PGGHG: variants seen among roughly 807,000 people sequenced by gnomAD.
The protein encoded by PGGHG is ATH1, acid trehalase-like 1.
PGGHG carries 67 observed loss-of-function variants against 74.5 expected under a neutral mutation model. The observed-to-expected ratio is 0.90, with a 90% confidence interval of 0.74 to 1.10. PGGHG has a LOEUF of 1.10. PGGHG is among the 50% of genes least tolerant of loss of function. The pLI is 0.00. For synonymous variants in PGGHG, 496 were observed against 419.9 expected, an observed-to-expected ratio of 1.18 and a Z score of -2.21; for missense variants, 1,034 against 981.5, an observed-to-expected ratio of 1.05 and a Z score of -0.72.
Position 294,695 on chromosome 11 carries a change from C to T in PGGHG, c.2160C>T (p.Thr720=). 1 of 1,613,090 alleles carries T rather than the reference C, an allele frequency of 6.2e-7. No homozygotes were observed. The change falls in exon 14 of 14, where the codon ACC becomes ACT. Residue 720 remains threonine (T), a synonymous_variant. Transcript: ENST00000409548. ...CGCTCCAGAGCCCCCTCTGGGTCACCCTGGGTTCCTCCAGCCCCACCGAGT... is the reference window on the plus strand; with the variant it reads ...CGCTCCAGAGCCCCCTCTGGGTCACTCTGGGTTCCTCCAGCCCCACCGAGT... ...RDPLQSPLWV[T]LGSSSPTESL... is the part of the protein sequence containing the mutation.
rs759095710 is a variant in PGGHG, at chr11:293,584, C to T, written c.1481-10C>T. On this transcript the variant is annotated splice_polypyrimidine_tract_variant and intron_variant, in intron 9 of 13. Coordinates refer to ENST00000409548, the MANE Select transcript of PGGHG (RefSeq NM_025092.5). Reference sequence around the variant, plus strand: ...TGGAACACCTTCCAGTCAGCGGCACCTCCCTGTAGGAGAGGTGGTGAAGCA... The same window carrying T: ...TGGAACACCTTCCAGTCAGCGGCACTTCCCTGTAGGAGAGGTGGTGAAGCA... 1.2e-6 allele frequency: 2 copies of T among 1,613,482 alleles called. No homozygotes were observed. The highest frequency in any genetic ancestry group is 1.1e-5 in the South Asian group (1 of 91,082).
chr11:292,461 CT>C (rs1396876435), intron 5 of PGGHG, 84 bp from the exon 6 acceptor site: 1 of 1,546,608 alleles, frequency 6.5e-7, no homozygotes, highest in Admixed American at 1.7e-5. Flanking sequence ...CGAGCCCCCC[CT>C]CCTCCAGGGC....
Position 290,813 on chromosome 11 carries a change from A to G in PGGHG, c.606A>G (p.Thr202=), listed in dbSNP as rs777813224. 6.2e-7 allele frequency: 1 copy of G among 1,612,558 alleles called. No homozygotes were observed. The highest frequency in any genetic ancestry group is 8.5e-7 in the Non-Finnish European group (1 of 1,179,866). ...AGGCTAGGACGTGGGACTTCCTGAC[A>G]GCAGTGGGCGGCAGCCAGGCTGAGG... ...GEEARTWDFL[T]AVGGSQAEAQ... The change falls in exon 4 of 14, where the codon ACA becomes ACG. Residue 202 remains threonine, a synonymous_variant. Coordinates refer to ENST00000409548, the MANE Select transcript of PGGHG (RefSeq NM_025092.5).
At position 294,869 on chromosome 11, in the gene PGGHG, G is replaced by A; in HGVS notation, c.*120G>A. On this transcript the variant is annotated 3_prime_UTR_variant, in exon 14 of 14. Coordinates refer to ENST00000409548, the MANE Select transcript of PGGHG (RefSeq NM_025092.5). ...CACCTGCAGCCAGGCTCTCAGGGAA[G>A]GTCCATGCTGCTTGGCCTGAGTTCA... 8.1e-7 allele frequency: 1 copy of A among 1,228,068 alleles called. No homozygotes were observed. The highest frequency in any genetic ancestry group is 1.1e-6 in the Non-Finnish European group (1 of 892,936). 76.1% of individuals were successfully genotyped at this position (1,228,068 alleles called of 1,614,324 possible). A position where few individuals can be genotyped will look rare whatever the true frequency, so the allele number is the denominator to read the frequency against.
intron 4 of PGGHG, 195 bp downstream of exon 4, chr11:291,308 G>A: frequency 1.5e-6 from 1 of 679,832 alleles, no homozygotes; most frequent in Non-Finnish European, 2.3e-6. Context: ...AGAGACCAGA[G>A]CTGAGAGGGC....
At position 290,984 on chromosome 11, in the gene PGGHG, C is replaced by T. The variant is rs267602839; in HGVS notation, c.777C>T (p.Ser259=). 22 of 1,612,636 alleles carry T rather than the reference C, an allele frequency of 1.4e-5. No homozygotes were observed. Among genetic ancestry groups the T allele is most frequent in the South Asian group, 5.5e-5 (5 of 91,086 alleles). ...PLQLRQALRG[S]LYYLLSALPQ... Reference sequence around the variant, plus strand: ...AGCTGCGCCAGGCCCTGCGTGGCTCCCTCTACTACCTGCTCAGTGCCCTGC... The same window carrying T: ...AGCTGCGCCAGGCCCTGCGTGGCTCTCTCTACTACCTGCTCAGTGCCCTGC... The change falls in exon 4 of 14, where the codon TCC becomes TCT. Residue 259 remains serine (S), a synonymous_variant. Coordinates refer to ENST00000409548, the MANE Select transcript of PGGHG (RefSeq NM_025092.5).
At position 289,432 on chromosome 11, in the gene PGGHG, A is replaced by T. The variant is rs1590280248; in HGVS notation, c.-14+193A>T. ...CCGCCCAGCGCTCCCCCCACCCTCCACACACGCCCGCCCCCACGTGCCACC... is the reference window on the plus strand; with the variant it reads ...CCGCCCAGCGCTCCCCCCACCCTCCTCACACGCCCGCCCCCACGTGCCACC... On this transcript the variant is annotated intron_variant, in intron 1 of 13. Transcript: ENST00000409548. This position sits in a 1 kb window ranked among gnomAD's most constrained non-coding sequence, Gnocchi z 5.6. 8.4e-6 allele frequency: 1 copy of T among 118,978 alleles called. No individual in the cohort carries two copies. The highest frequency in any genetic ancestry group is 2.4e-4 in the South Asian group (1 of 4,196). 7.4% of individuals were successfully genotyped at this position (118,978 alleles called of 1,614,324 possible). A position where few individuals can be genotyped will look rare whatever the true frequency, so the allele number is the denominator to read the frequency against.
At chr11:291,606 G>T in intron 4 of PGGHG, 1 of 285,222 alleles carries the variant, frequency 3.5e-6, no homozygotes, top group Non-Finnish European at 6.7e-6. Flanking sequence ...ACTGTGCTGG[G>T]GCTGCTCCAT....
chr11:293,817 C>T lies in PGGHG; in HGVS notation c.1615-13C>T, dbSNP rs747669509. On this transcript the variant is annotated splice_polypyrimidine_tract_variant and intron_variant, in intron 10 of 13. Transcript: ENST00000409548. ...GGCCTCACCCCTGTGTGTCCTCTTA[C>T]CTCTGACCCCAGAGCATGTTTGCTG... The T allele has an allele frequency of 2.4e-5, 39 of 1,613,608 alleles. No individual in the cohort carries two copies. Among genetic ancestry groups the T allele is most frequent in the Non-Finnish European group, 3.0e-5 (35 of 1,179,972 alleles).
Position 292,875 on chromosome 11 carries a change from C to G in PGGHG, c.1159-11C>G. 1 of 1,613,952 alleles carries G rather than the reference C, an allele frequency of 6.2e-7. No individual in the cohort carries two copies. The highest frequency in any genetic ancestry group is 8.5e-7 in the Non-Finnish European group (1 of 1,179,972). On this transcript the variant is annotated splice_polypyrimidine_tract_variant and intron_variant, in intron 6 of 13. Transcript: ENST00000409548. ...GGGGCCCTGGCCTCTGTGCCTCCTC[C>G]TGCTCCCCAGGACCTGCAGCTATTT...
In PGGHG at chr11:292,060, G is replaced by A. The variant is rs114207298; in HGVS notation, c.991G>A (p.Gly331Arg). 1,848 of 1,585,346 alleles carry A rather than the reference G, an allele frequency of 1.2e-3. 4 individuals carry two copies. The highest frequency in any genetic ancestry group is 2.3e-3 in the Admixed American group (127 of 55,364). Residue 331 changes from glycine to arginine, a missense_variant, in exon 5 of 14, where the codon GGG becomes AGG. By Grantham distance (125) the Gly-to-Arg change is moderately radical (BLOSUM62 -2). Transcript: ENST00000409548. Reference protein sequence around the residue: ...ILEYRIRTLDGALENAQNLGY... With the variant: ...ILEYRIRTLDRALENAQNLGY... Reference sequence around the variant, plus strand: ...GGAGTACCGCATCCGCACGCTGGACGGGGCCCTGGAGAACGCCCAGAACCT... The same window carrying A: ...GGAGTACCGCATCCGCACGCTGGACAGGGCCCTGGAGAACGCCCAGAACCT...
chr11:291,577 C>T (rs944772468), intron 4 of PGGHG: 3 of 257,748 alleles, frequency 1.2e-5, no homozygotes, highest in South Asian at 5.4e-5. Context: ...GGCTGCTGGG[C>T]GTGGAGGTGT....
rs377174412 is a variant in PGGHG, at chr11:293,642, C to A, written c.1529C>A (p.Pro510His). Residue 510 changes from proline to histidine, a missense_variant, in exon 10 of 14, where the codon CCC (proline) becomes CAC (histidine). By Grantham distance (77) the Pro-to-His change is moderately conservative. Coordinates refer to ENST00000409548, the MANE Select transcript of PGGHG (RefSeq NM_025092.5). ...ADVVLLGYPV[P>H]FSLSPDVRRK... ...GTCGTGCTCCTGGGATACCCAGTCC[C>A]CTTCTCCCTGAGTCCTGATGTTCGC... 3 of 1,613,602 alleles carry A rather than the reference C, an allele frequency of 1.9e-6. No individual in the cohort carries two copies. Among genetic ancestry groups the A allele is most frequent in the Non-Finnish European group, 2.5e-6 (3 of 1,180,002 alleles).
At chr11:293,337 C>T in intron 8 of PGGHG, 29 bp from the exon 9 acceptor site, 3 of 1,606,276 alleles carry the variant, frequency 1.9e-6, no homozygotes, top group Non-Finnish European at 2.5e-6. Context: ...GTAGGGGTTG[C>T]AGCCTCCCCC....
At chr11:291,174 C>T in intron 4 of PGGHG, 61 bp downstream of exon 4, 2 of 1,490,782 alleles carry the variant, frequency 1.3e-6, no homozygotes. Flanking sequence ...TCCACGGTCT[C>T]TGCCCTCCCT....
At position 290,916 on chromosome 11, in the gene PGGHG, C is replaced by T; in HGVS notation, c.709C>T (p.Gln237Ter). ...TACGGCTCACGCACAGGCCTGGGCC[C>T]AGCTCTGGGTAGAATGTGGCTTGGA... is the stretch of plus-strand genomic sequence containing the variant. ...LYTAHAQAWA[Q>*]LWVECGLDVV... Residue 237 changes from glutamine to a stop codon, truncating the protein, a stop_gained, in exon 4 of 14, where the codon CAG becomes TAG. Transcript: ENST00000409548. LOFTEE classifies it high-confidence loss of function. 1 of 1,612,362 alleles carries T rather than the reference C, an allele frequency of 6.2e-7. No homozygotes were observed. The highest frequency in any genetic ancestry group is 8.5e-7 in the Non-Finnish European group (1 of 1,179,640).
chr11:290,770 C>T lies in PGGHG; in HGVS notation c.563C>T (p.Thr188Ile), dbSNP rs1283615552. ...TGGACACCAGCACCCCCAGACCTGA[C>T]CCTTGGGGAAGGTGAGGAGGCTAGG... ...MLWTPAPPDL[T>I]LGEGEEARTW... Residue 188 changes from threonine (T) to isoleucine (I), a missense_variant, in exon 4 of 14, where the codon ACC (threonine) becomes ATC (isoleucine). Transcript: ENST00000409548. The T allele has an allele frequency of 3.7e-6, 6 of 1,612,566 alleles. No individual in the cohort carries two copies. In the East Asian group the frequency reaches 6.7e-5, roughly 18 times the overall value.
At chr11:293,110 G>A in intron 7 of PGGHG, 53 bp from the exon 8 acceptor site, 1 of 1,613,940 alleles carries the variant, frequency 6.2e-7, no homozygotes, top group Non-Finnish European at 8.5e-7. Flanking sequence ...CCGGCGTGGA[G>A]GGAAGGCCTC....
At chr11:290,157 G>T (rs1845673629) in intron 2 of PGGHG, 82 bp downstream of exon 2, 5 of 1,458,498 alleles carry the variant, frequency 3.4e-6, no homozygotes, top group Admixed American at 4.7e-5. Flanking sequence ...AATCCCACCA[G>T]CACCTCCTGA....
Sources: gnomAD v4.1 joint callset for allele counts on GRCh38, gnomAD v4.1.1 for gene constraint, Gnocchi (gnomAD v3.1) non-coding constraint, MANE v1.5 for transcripts, NCBI Gene and HGNC (gene_info 2026-07-23, HGNC 2026-07-21) for gene names.